CTNNA2: variants seen among roughly 807,000 people sequenced by gnomAD.
CTNNA2 encodes catenin alpha 2, also known as catenin alpha-2.
A neutral mutation model predicts 101.0 loss-of-function variants in CTNNA2; 42 were observed. The ratio of observed to expected loss-of-function variants is 0.42; its 90% CI spans 0.32 to 0.54. CTNNA2 has a LOEUF of 0.54. Among genes scored for constraint, CTNNA2 ranks in the 20% least tolerant of loss-of-function variants. The pLI, the probability that CTNNA2 is intolerant of heterozygous loss-of-function variation, is 0.14. For synonymous variants in CTNNA2, 450 were observed against 456.4 expected, an observed-to-expected ratio of 0.99 and a Z score of 0.18; for missense variants, 871 against 1,223.1, an observed-to-expected ratio of 0.71 and a Z score of 4.29.
intron 1 of CTNNA2, among the ~76,000 whole-genome samples, chr2:79,560,061 A>G (rs2104121108): frequency 6.6e-6 from 1 of 150,962 alleles, no homozygotes; most frequent in Admixed American, 6.7e-5. Flanking sequence ...TGTGCATTAG[A>G]AACAGAACAG....
intron 7 of CTNNA2, among the ~76,000 whole-genome samples, chr2:80,213,252 C>G (rs1708025599): frequency 6.6e-6 from 1 of 151,996 alleles, no homozygotes; most frequent in Non-Finnish European, 1.5e-5. Context: ...TTGCCTTCTG[C>G]TAGTTTTTGA....
At chr2:79,356,550 C>T (rs995853901) in intron 3 of CTNNA2, among the ~76,000 whole-genome samples, 2 of 152,110 alleles carry the variant, frequency 1.3e-5, no homozygotes, top group Admixed American at 6.5e-5. Context: ...TGCTTTCTTG[C>T]TACTCTGGAG....
intron 3 of CTNNA2, among the ~76,000 whole-genome samples, chr2:79,857,459 G>C (rs1350910060): frequency 6.6e-6 from 1 of 152,176 alleles, no homozygotes; most frequent in Non-Finnish European, 1.5e-5. Flanking sequence ...AATTGGTTTA[G>C]TTCTCTTCTA....
At chr2:79,683,183 C>T (rs2104653924) in intron 2 of CTNNA2, among the ~76,000 whole-genome samples, 1 of 152,294 alleles carries the variant, frequency 6.6e-6, no homozygotes, top group Non-Finnish European at 1.5e-5. Flanking sequence ...GGGCCCATCC[C>T]CTACCCCTAC....
intron 9 of CTNNA2, among the ~76,000 whole-genome samples, chr2:80,513,380 G>A (rs948396523): frequency 2.6e-5 from 4 of 152,312 alleles, no homozygotes; most frequent in Non-Finnish European, 4.4e-5. Flanking sequence ...TTTAGCAAAT[G>A]TGTGTGAGCA....
chr2:80,219,813 G>A (rs755829121), intron 7 of CTNNA2, among the ~76,000 whole-genome samples: 3 of 151,958 alleles, frequency 2.0e-5, no homozygotes, highest in Non-Finnish European at 4.4e-5. Flanking sequence ...CACTCTTTTT[G>A]TTAAGTCCCT....
chr2:80,011,398 G>C (rs1052122354), intron 7 of CTNNA2, among the ~76,000 whole-genome samples: 1 of 152,142 alleles, frequency 6.6e-6, no homozygotes, highest in African/African-American at 2.4e-5. Flanking sequence ...GCCCATAACT[G>C]TTTGGCCTTT....
At chr2:79,889,719 C>T (rs149183921) in intron 6 of CTNNA2, among the ~76,000 whole-genome samples, 3 of 152,282 alleles carry the variant, frequency 2.0e-5, no homozygotes, top group East Asian at 3.9e-4. Context: ...TCTTAATAGA[C>T]GTGTTGGCCA....
At chr2:79,842,758 A>G (rs1679924105) in intron 3 of CTNNA2, among the ~76,000 whole-genome samples, 1 of 151,594 alleles carries the variant, frequency 6.6e-6, no homozygotes, top group South Asian at 2.1e-4. Context: ...CCTCACTGTG[A>G]GATTTTATAT....
chr2:80,647,542 G>A (rs1401942318), intron 18 of CTNNA2, 43 bp from the exon 19 acceptor site: 1 of 1,465,434 alleles, frequency 6.8e-7, no homozygotes, highest in East Asian at 2.3e-5. Flanking sequence ...TGAATTTGGG[G>A]CCTCCATTAA....
At chr2:80,221,725 C>T (rs1708586118) in intron 7 of CTNNA2, among the ~76,000 whole-genome samples, 1 of 152,100 alleles carries the variant, frequency 6.6e-6, no homozygotes, top group Non-Finnish European at 1.5e-5. Flanking sequence ...TTTCCATGTG[C>T]TACATGTCTT....
intron 9 of CTNNA2, among the ~76,000 whole-genome samples, chr2:80,436,964 T>C (rs930419669): frequency 1.3e-5 from 2 of 152,114 alleles, no homozygotes; most frequent in African/African-American, 4.8e-5. Flanking sequence ...CCCAGAGTGA[T>C]AGTATTAAGA....
intron 2 of CTNNA2, among the ~76,000 whole-genome samples, chr2:79,287,758 A>T (rs1268081371): frequency 6.6e-6 from 1 of 152,132 alleles, no homozygotes; most frequent in Non-Finnish European, 1.5e-5. Flanking sequence ...GGCCTCCTTG[A>T]GCTGTGGTGG....
At chr2:80,195,554 T>A (rs1001827149) in intron 7 of CTNNA2, among the ~76,000 whole-genome samples, 1 of 151,924 alleles carries the variant, frequency 6.6e-6, no homozygotes, top group Non-Finnish European at 1.5e-5. Flanking sequence ...CCTTAATGAC[T>A]TCTAGAGATA....
intron 2 of CTNNA2, among the ~76,000 whole-genome samples, chr2:79,740,980 A>G (rs1430951719): frequency 6.6e-6 from 1 of 152,166 alleles, no homozygotes; most frequent in African/African-American, 2.4e-5. Flanking sequence ...CTGTAACATG[A>G]TGGGAAAAAA....
At chr2:79,583,709 T>C in intron 1 of CTNNA2, among the ~76,000 whole-genome samples, 1 of 152,272 alleles carries the variant, frequency 6.6e-6, no homozygotes, top group Middle Eastern at 3.4e-3. Flanking sequence ...TAATTAAAAA[T>C]AATTATTTAA....
intron 6 of CTNNA2, among the ~76,000 whole-genome samples, chr2:79,895,244 A>G (rs1049054368): frequency 6.6e-6 from 1 of 152,220 alleles, no homozygotes; most frequent in Non-Finnish European, 1.5e-5. Context: ...CATATCACAC[A>G]TTATTCCTGT....
At chr2:79,189,885 A>G (rs1292413472) in intron 1 of CTNNA2, among the ~76,000 whole-genome samples, 1 of 152,192 alleles carries the variant, frequency 6.6e-6, no homozygotes, top group Admixed American at 6.5e-5. Context: ...ATTTTACAAT[A>G]AAGAATTTTC....
At chr2:80,102,039 C>T (rs962667962) in intron 7 of CTNNA2, among the ~76,000 whole-genome samples, 1 of 152,132 alleles carries the variant, frequency 6.6e-6, no homozygotes, top group East Asian at 1.9e-4. Flanking sequence ...ATTTCTGGCT[C>T]CCCTATCAGC....
Sources: gnomAD v4.1 joint callset for allele counts (sites outside exome capture counted in the v4.1 genomes callset) on GRCh38, gnomAD v4.1.1 for gene constraint, MANE v1.5 for transcripts, NCBI Gene and HGNC (gene_info 2026-07-23, HGNC 2026-07-21) for gene names.